AHRR: variants seen among roughly 807,000 people sequenced by gnomAD.
AHRR encodes the protein aryl hydrocarbon receptor repressor, also known as ahR repressor.
Under a neutral mutation model 44.0 loss-of-function variants are expected in AHRR, and 28 were observed. The observed-to-expected ratio is 0.64, with a 90% CI of 0.47 to 0.87. The LOEUF is 0.87. Ranked by LOEUF, AHRR falls within the 40% of genes least tolerant of loss-of-function variation. The pLI is 0.00. For missense variants in AHRR, 990 were observed against 953.9 expected, an observed-to-expected ratio of 1.04 and a Z score of -0.50; for synonymous variants, 434 against 407.0, an observed-to-expected ratio of 1.07 and a Z score of -0.80.
Position 353,800 on chromosome 5 carries a change from G to A in AHRR, c.133G>A (p.Asp45Asn). The change falls in exon 3 of 11, where the codon GAC becomes AAC. Residue 45 changes from aspartate to asparagine, a missense_variant. Coordinates refer to ENST00000684583, the MANE Select transcript of AHRR (RefSeq NM_001377236.1). Reference protein sequence around the residue: ...RHRDRLNAELDHLASLLPFPP... With the variant: ...RHRDRLNAELNHLASLLPFPP... The stretch of plus-strand genomic sequence containing the variant: ...CCGGGACCGCCTCAACGCCGAGTTG[G>A]ACCACCTGGCCAGCCTGCTGCCGTT... 6.2e-7 allele frequency: 1 copy of A among 1,613,892 alleles called. No individual in the cohort carries two copies. Among genetic ancestry groups the A allele is most frequent in the Non-Finnish European group, 8.5e-7 (1 of 1,179,998 alleles).
intron 5 of AHRR, 141 bp from the exon 6 acceptor site, chr5:422,588 G>T: frequency 8.5e-7 from 1 of 1,179,032 alleles, no homozygotes; most frequent in Non-Finnish European, 1.2e-6. Context: ...GCCAAGCGCC[G>T]TCTCTTCGGT....
chr5:398,005 G>A (rs1450377205), intron 4 of AHRR, among the ~76,000 whole-genome samples: 7 of 124,828 alleles, frequency 5.6e-5, no homozygotes, highest in African/African-American at 1.2e-4. Flanking sequence ...GACCATCCAC[G>A]TAGCCCCTGA....
chr5:403,968 G>A lies in AHRR; in HGVS notation c.352-9376G>A, dbSNP rs141618866. ...TCTCCTCCACTTTATTTTCTGACTC[G>A]TCTACATTTTCTGCTTTCTTTACAG... On this transcript the variant is annotated intron_variant, in intron 4 of 10. Transcript: ENST00000684583. 130 of 1,317,836 alleles carry A rather than the reference G, an allele frequency of 9.9e-5. 1 individual carries two copies. Among genetic ancestry groups the A allele is most frequent in the South Asian group, 7.1e-4 (60 of 84,712 alleles). The allele number at this position is 1,317,836 out of a possible 1,614,324, so 81.6% of individuals were successfully genotyped here.
intron 1 of AHRR, among the ~76,000 whole-genome samples, chr5:343,261 A>G (rs1174257400): frequency 1.3e-5 from 2 of 148,304 alleles, no homozygotes; most frequent in Non-Finnish European, 3.0e-5. Flanking sequence ...GGTGACAGGA[A>G]CACGGGACCC....
chr5:427,339 C>T (rs982685560), intron 7 of AHRR, among the ~76,000 whole-genome samples: 5 of 152,162 alleles, frequency 3.3e-5, no homozygotes, highest in African/African-American at 1.2e-4. Context: ...TCAAGTCGTG[C>T]CTAAATTTCA....
chr5:428,604 G>C (rs560128024), intron 8 of AHRR, among the ~76,000 whole-genome samples: 8 of 152,190 alleles, frequency 5.3e-5, no homozygotes, highest in African/African-American at 1.9e-4. Context: ...GACTGGGAGT[G>C]GGGGGATGGT....
chr5:389,673 A>G lies in AHRR; in HGVS notation c.351+12957A>G, dbSNP rs1221926056. ...CGTCAGAGCACTGCACGCCTCCACC[A>G]CAAGGCCTCTGGGGGGTCTGACGGC... is the stretch of plus-strand genomic sequence containing the variant. On this transcript the variant is annotated intron_variant, in intron 4 of 10. Coordinates refer to ENST00000684583, the MANE Select transcript of AHRR (RefSeq NM_001377236.1). 2.0e-5 allele frequency among the ~76,000 whole-genome samples: 3 copies of G among 151,928 alleles called. No individual in the cohort carries two copies. In the East Asian group the frequency reaches 5.8e-4, roughly 30 times the overall value.
rs151234317 is a variant in AHRR, at chr5:348,470, G to A, written c.62+4506G>A. Among the ~76,000 whole-genome samples the A allele has an allele frequency of 9.1e-3, 1,382 of 152,228 alleles. 12 individuals carry two copies. Among genetic ancestry groups the A allele is most frequent in the South Asian group, 0.013 (63 of 4,818 alleles). ...TCCGTGAAGCTATCACCAAAATCGA[G>A]AGGAAGCGTTTCTATCACTCCACGA... On this transcript the variant is annotated intron_variant, in intron 2 of 10. Transcript: ENST00000684583.
chr5:349,402 C>T (rs1579610585), intron 2 of AHRR, among the ~76,000 whole-genome samples: 1 of 152,038 alleles, frequency 6.6e-6, no homozygotes, highest in Non-Finnish European at 1.5e-5. Flanking sequence ...ACGGTGAAAC[C>T]CCGTCTCCAC....
chr5:345,534 C>T (rs1344769120), intron 2 of AHRR, among the ~76,000 whole-genome samples: 1 of 126,888 alleles, frequency 7.9e-6, no homozygotes, highest in Non-Finnish European at 1.7e-5. Context: ...GATGATGTCT[C>T]TGGCTGTGTG....
At chr5:399,411 C>T (rs1277803846) in intron 4 of AHRR, among the ~76,000 whole-genome samples, 1 of 152,204 alleles carries the variant, frequency 6.6e-6, no homozygotes, top group African/African-American at 2.4e-5. Flanking sequence ...AAAGCGGGTC[C>T]TGGTTTTAAA....
intron 5 of AHRR, 130 bp from the exon 6 acceptor site, chr5:422,599 G>T: frequency 7.8e-7 from 1 of 1,285,644 alleles, no homozygotes; most frequent in South Asian, 1.2e-5. Flanking sequence ...TCTCTTCGGT[G>T]GGATTCTCTC....
At chr5:433,732 A>C in intron 10 of AHRR, 121 bp from the exon 11 acceptor site, 1 of 1,194,594 alleles carries the variant, frequency 8.4e-7, no homozygotes, top group Non-Finnish European at 1.1e-6. Flanking sequence ...GGGTCGGTGT[A>C]GCAGCCTTGG....
intron 1 of AHRR, among the ~76,000 whole-genome samples, chr5:323,895 C>T (rs539455163): frequency 9.3e-4 from 142 of 152,222 alleles, no homozygotes; most frequent in African/African-American, 3.3e-3. Context: ...ATGAACAGGC[C>T]GATCTGCTAG....
intron 1 of AHRR, among the ~76,000 whole-genome samples, chr5:330,869 A>ATTTTTTTTTTT: frequency 1.0e-5 from 1 of 97,496 alleles, no homozygotes; most frequent in Non-Finnish European, 2.0e-5. Context: ...ATAATTCAGC[A>ATTTTTTTTTTT]TTTTTTTTTT....
In AHRR at chr5:433,877, G is replaced by C; in HGVS notation, c.1137G>C (p.Arg379Ser). Residue 379 changes from arginine (R) to serine (S), a missense_variant, in exon 11 of 11, where the codon AGG (arginine) becomes AGC (serine). Coordinates refer to ENST00000684583, the MANE Select transcript of AHRR (RefSeq NM_001377236.1). ...GGGACAGGGAGGAGGAGCAGCACAGGATGCTGAGCAGGGCCTCTGGAGTGA... is the reference window on the plus strand; with the variant it reads ...GGGACAGGGAGGAGGAGCAGCACAGCATGCTGAGCAGGGCCTCTGGAGTGA... ...GSGDREEEQH[R>S]MLSRASGVTG... 1 of 1,507,898 alleles carries C rather than the reference G, an allele frequency of 6.6e-7. No individual in the cohort carries two copies. The highest frequency in any genetic ancestry group is 2.4e-5 in the East Asian group (1 of 42,316). 93.4% of individuals were successfully genotyped at this position (1,507,898 alleles called of 1,614,324 possible).
intron 8 of AHRR, among the ~76,000 whole-genome samples, chr5:428,577 A>G (rs1736576398): frequency 6.6e-6 from 1 of 152,200 alleles, no homozygotes. Context: ...AGTTTGGTGG[A>G]AGACAATTTT....
At chr5:421,444 G>T in intron 5 of AHRR, 1 of 542,078 alleles carries the variant, frequency 1.8e-6, no homozygotes, top group East Asian at 3.4e-5. Flanking sequence ...GCGGGTGCCG[G>T]CGATGCCCTG....
At chr5:421,435 C>A in intron 5 of AHRR, 1 of 541,328 alleles carries the variant, frequency 1.8e-6, no homozygotes, top group Non-Finnish European at 3.3e-6. Flanking sequence ...AGCAGCCTCG[C>A]GGGTGCCGGC....
Sources: allele counts gnomAD v4.1 joint callset (sites outside exome capture counted in the v4.1 genomes callset), GRCh38; gene constraint gnomAD v4.1.1; transcripts MANE v1.5; gene names NCBI Gene and HGNC (gene_info 2026-07-23, HGNC 2026-07-21).